Variants in SEMA4D observed in about 807,000 individuals in gnomAD.
SEMA4D encodes semaphorin 4D, also known as semaphorin-4D.
Under a neutral mutation model 74.8 loss-of-function variants are expected in SEMA4D, and 22 were observed. The observed-to-expected ratio is 0.29, with a 90% confidence interval of 0.21 to 0.42. The LOEUF (loss-of-function observed/expected upper bound fraction) is 0.42. SEMA4D is among the 10% of genes least tolerant of loss of function. The pLI, the probability that SEMA4D is intolerant of heterozygous loss-of-function variation, is 1.00. For missense variants in SEMA4D, 937 were observed against 1,118.4 expected (o/e 0.84, Z 2.31); for synonymous variants, 445 against 463.7 (o/e 0.96, Z 0.52).
intron 2 of SEMA4D, among the ~76,000 whole-genome samples, chr9:89,438,542 T>A (rs1337950885): frequency 1.3e-5 from 2 of 152,250 alleles, no homozygotes; most frequent in Non-Finnish European, 2.9e-5. Context: ...CAAACCCACA[T>A]TATGAAGCAC....
intron 1 of SEMA4D, among the ~76,000 whole-genome samples, chr9:89,494,236 C>A (rs1293170338): frequency 1.3e-5 from 2 of 152,198 alleles, no homozygotes; most frequent in African/African-American, 4.8e-5. Flanking sequence ...GTAACAGAAA[C>A]AAACCATACA....
At chr9:89,426,352 T>C (rs1848106429) in intron 2 of SEMA4D, among the ~76,000 whole-genome samples, 1 of 152,190 alleles carries the variant, frequency 6.6e-6, no homozygotes, top group South Asian at 2.1e-4. Context: ...ATATATACAC[T>C]ACAATTACAA....
chr9:89,453,918 C>T (rs1344630986), intron 2 of SEMA4D, among the ~76,000 whole-genome samples: 4 of 143,666 alleles, frequency 2.8e-5, no homozygotes, highest in African/African-American at 7.8e-5. Context: ...AGTGCAGTGG[C>T]GCGATCTTGG....
chr9:89,485,573 G>A (rs1227373385), intron 1 of SEMA4D, among the ~76,000 whole-genome samples: 1 of 152,098 alleles, frequency 6.6e-6, no homozygotes, highest in Non-Finnish European at 1.5e-5. Context: ...AGGATCACCT[G>A]AGGTCGGGAG....
intron 2 of SEMA4D, among the ~76,000 whole-genome samples, chr9:89,428,003 T>C (rs766686224): frequency 4.6e-5 from 7 of 152,168 alleles, no homozygotes; most frequent in Non-Finnish European, 1.0e-4. Flanking sequence ...TGACCACCTG[T>C]GGAGGGCCCG....
rs1047873793 is a variant in SEMA4D, at chr9:89,378,985, C to A, written c.2308G>T (p.Ala770Ser). 1 of 1,613,438 alleles carries A rather than the reference C, an allele frequency of 6.2e-7. No individual in the cohort carries two copies. The highest frequency in any genetic ancestry group is 1.3e-5 in the African/African-American group (1 of 74,860). ...LPRQCLKFRS[A>S]LLIGKKKPKS... is the part of the protein sequence containing the mutation. ...GGCTTCTTCTTCCCAATTAGTAGGGCCGAGCGGAATTTCAAGCACTGTCTG... is the reference window on the plus strand; with the variant it reads ...GGCTTCTTCTTCCCAATTAGTAGGGACGAGCGGAATTTCAAGCACTGTCTG... Residue 770 changes from alanine to serine, a missense_variant, in exon 16 of 16, where the codon GCC becomes TCC. Ala to Ser is a moderately conservative substitution (Grantham distance 99). Coordinates refer to ENST00000422704, the MANE Select transcript of SEMA4D (RefSeq NM_001371194.2).
chr9:89,384,793 G>C lies in SEMA4D; in HGVS notation c.1446+1574C>G, dbSNP rs1028651779. ...TCTCCATTTGCTGATCACCGTGAGA[G>C]AGCCTGATGGGGTCAGGCGGCACAG... On this transcript the variant is annotated intron_variant, in intron 13 of 15. Transcript: ENST00000422704. 2.2e-5 allele frequency: 22 copies of C among 985,294 alleles called. No individual in the cohort carries two copies. In the South Asian group the frequency reaches 3.8e-4, roughly 17 times the overall value. The allele number at this position is 985,294 out of a possible 1,614,324, so 61.0% of individuals were successfully genotyped here. A position where few individuals can be genotyped will look rare whatever the true frequency, so the allele number is the denominator to read the frequency against.
chr9:89,362,492 C>A, intron 18 of SEMA4D: 1 of 1,613,760 alleles, frequency 6.2e-7, no homozygotes, highest in South Asian at 1.1e-5. Flanking sequence ...GCTCTGCAGC[C>A]CAGTCTGTCT....
At chr9:89,474,133 C>T (rs1213896861) in intron 1 of SEMA4D, among the ~76,000 whole-genome samples, 1 of 152,174 alleles carries the variant, frequency 6.6e-6, no homozygotes, top group Admixed American at 6.5e-5. Flanking sequence ...AAGTTCTGGG[C>T]TCAAGTCCTC....
rs1853524154 is a variant in SEMA4D, at chr9:89,448,476, G to A, written c.-244+7412C>T. On this transcript the variant is annotated intron_variant, in intron 2 of 15. Transcript: ENST00000422704. ...GGACCCACCCTCCCCTGGGCGATGT[G>A]GGATAGAGACAGGGAGGCAAGGTAT... Among the ~76,000 whole-genome samples, 3 of 152,206 alleles carry A rather than the reference G, an allele frequency of 2.0e-5. 1 individual carries two copies. In the South Asian group the frequency reaches 6.2e-4, roughly 31 times the overall value.
exon 18 of SEMA4D, chr9:89,363,525 C>A: frequency 3.7e-6 from 6 of 1,614,072 alleles, no homozygotes; most frequent in Non-Finnish European, 5.1e-6. Context: ...TGGTGGGTCA[C>A]TTCTGGAAAA....
chr9:89,433,220 G>C (rs1246055504), intron 2 of SEMA4D, among the ~76,000 whole-genome samples: 1 of 152,212 alleles, frequency 6.6e-6, no homozygotes. Flanking sequence ...CATGGATGTA[G>C]CAGTGACCCC....
intron 2 of SEMA4D, among the ~76,000 whole-genome samples, chr9:89,439,358 A>G (rs1342250081): frequency 1.3e-5 from 2 of 152,210 alleles, no homozygotes; most frequent in African/African-American, 4.8e-5. Flanking sequence ...GATTCAGAAT[A>G]TATGAGTTAC....
intron 3 of SEMA4D, among the ~76,000 whole-genome samples, chr9:89,404,332 G>T (rs1842817523): frequency 6.6e-6 from 1 of 152,178 alleles, no homozygotes; most frequent in African/African-American, 2.4e-5. Context: ...ACGAGGGAGG[G>T]AAGCTTCCTG....
chr9:89,480,743 G>T (rs565956197), intron 1 of SEMA4D, among the ~76,000 whole-genome samples: 1 of 152,238 alleles, frequency 6.6e-6, no homozygotes, highest in Non-Finnish European at 1.5e-5. Flanking sequence ...CGCCCACCCG[G>T]AACTCCAGCT....
Position 89,378,747 on chromosome 9 carries a change from T to C in SEMA4D, c.2546A>G (p.Lys849Arg). 1.2e-6 allele frequency: 2 copies of C among 1,614,204 alleles called. No individual in the cohort carries two copies. The highest frequency in any genetic ancestry group is 1.7e-6 in the Non-Finnish European group (2 of 1,180,040). The change falls in exon 16 of 16, where the codon AAG becomes AGG. Residue 849 changes from lysine (K) to arginine (R), a missense_variant. Transcript: ENST00000422704. ...LSARDKPFDV[K>R]CELKFADSDA... is the part of the protein sequence containing the mutation. ...TGAGTCAGCGAACTTCAGCTCACAC[T>C]TGACGTCAAAGGGCTTGTCCCTGGC...
intron 1 of SEMA4D, among the ~76,000 whole-genome samples, chr9:89,465,182 GC>G (rs1242076252): frequency 3.9e-5 from 6 of 152,090 alleles, no homozygotes; most frequent in Non-Finnish European, 8.8e-5. Context: ...GTTCCTCCTT[GC>G]CCTCCATGAC....
chr9:89,442,817 G>A (rs986223997), intron 2 of SEMA4D, among the ~76,000 whole-genome samples: 4 of 152,182 alleles, frequency 2.6e-5, no homozygotes, highest in African/African-American at 9.7e-5. Flanking sequence ...ATTTCCCAGC[G>A]AGGAAACACC....
At chr9:89,411,734 C>T (rs931382998) in intron 2 of SEMA4D, among the ~76,000 whole-genome samples, 8 of 152,226 alleles carry the variant, frequency 5.3e-5, no homozygotes, top group African/African-American at 1.9e-4. Flanking sequence ...AAGACATGAC[C>T]CCCTGAAGGG....
Sources: allele counts gnomAD v4.1 joint callset (sites outside exome capture counted in the v4.1 genomes callset), GRCh38; gene constraint gnomAD v4.1.1; transcripts MANE v1.5; gene names NCBI Gene and HGNC (gene_info 2026-07-23, HGNC 2026-07-21).